Variants in NLRP7 observed in about 807,000 individuals in gnomAD.
NLRP7 encodes the protein NLR family pyrin domain containing 7.
NLRP7 carries 72 observed loss-of-function variants against 85.5 expected under a neutral mutation model. The observed-to-expected ratio is 0.84, with a 90% CI of 0.70 to 1.02. The LOEUF (loss-of-function observed/expected upper bound fraction) is 1.02, where lower values mean the gene tolerates loss of function less well. Among genes scored for constraint, NLRP7 ranks in the 50% least tolerant of loss-of-function variants. NLRP7 has a pLI of 0.00. For missense variants in NLRP7, 1,243 were observed against 1,219.5 expected, an observed-to-expected ratio of 1.02 and a Z score of -0.29; for synonymous variants, 550 against 505.2, an observed-to-expected ratio of 1.09 and a Z score of -1.19.
At chr19:54,923,671 G>T in exon 10 of NLRP7, 1 of 1,545,112 alleles carries the variant, frequency 6.5e-7, no homozygotes, top group South Asian at 1.1e-5. Context: ...CCTCTGACCT[G>T]CATTCATAAG....
At chr19:54,923,576 G>A (rs779903431) in exon 10 of NLRP7, 23 of 786,730 alleles carry the variant, frequency 2.9e-5, no homozygotes, top group Middle Eastern at 3.6e-4. Flanking sequence ...AAGGGGGTGC[G>A]TGACTCGTGC....
chr19:54,949,064 GGTCA>G (rs2069588073), upstream of NLRP7: 1 of 152,218 alleles, frequency 6.6e-6, no homozygotes. Context: ...GATCATCTGA[GGTCA>G]GCAGTTCGAG....
At chr19:54,925,384 C>T (rs935301824) in intron 9 of NLRP7, among the ~76,000 whole-genome samples, 14 of 152,104 alleles carry the variant, frequency 9.2e-5, no homozygotes, top group Admixed American at 2.0e-4. Flanking sequence ...GAACTGCAGA[C>T]GTGTGAAAAA....
chr19:54,960,046 G>A (rs1302687806), intron 1 of NLRP7, among the ~76,000 whole-genome samples: 1 of 151,986 alleles, frequency 6.6e-6, no homozygotes, highest in African/African-American at 2.4e-5. Context: ...TTCTAACCAC[G>A]TAGTTCCTCT....
chr19:54,929,475 T>C (rs540317512), intron 9 of NLRP7, among the ~76,000 whole-genome samples: 5 of 152,276 alleles, frequency 3.3e-5, no homozygotes, highest in African/African-American at 1.2e-4. Flanking sequence ...CAGATTCTAG[T>C]TGGAAAATAG....
Position 54,954,062 on chromosome 19 carries a change from A to C in NLRP7, c.-76-6557T>G, listed in dbSNP as rs116353939. 6.2e-3 allele frequency among the ~76,000 whole-genome samples: 890 copies of C among 142,778 alleles called. 48 individuals carry two copies. The highest frequency in any genetic ancestry group is 0.021 in the African/African-American group (825 of 39,024). 93.7% of individuals were successfully genotyped at this position (142,778 alleles called of 152,430 possible). On this transcript the variant is annotated intron_variant, in intron 1 of 2. Coordinates refer to the NLRP7 transcript ENST00000587103. ...AAGCATCCAGTCAAACTCCATCAAAACCAAGATAGTGACGAGAGTAACCTC... is the reference window on the plus strand; with the variant it reads ...AAGCATCCAGTCAAACTCCATCAAACCCAAGATAGTGACGAGAGTAACCTC...
chr19:54,959,135 C>CTTTTTTTTT (rs2069950224), intron 1 of NLRP7, among the ~76,000 whole-genome samples: 1 of 143,818 alleles, frequency 7.0e-6, no homozygotes, highest in Non-Finnish European at 1.5e-5. Flanking sequence ...TTGTTTTTTT[C>CTTTTTTTTT]TTTTTCTTTT....
chr19:54,940,915 G>C lies in NLRP7; in HGVS notation c.352+16C>G. ...TCAAACACCAAACTCATGACCATAG[G>C]ACCGTATTTACCCACCTGGCTTTGC... On this transcript the variant is annotated intron_variant, in intron 3 of 9. Coordinates refer to ENST00000340844, the Ensembl canonical transcript of NLRP7. 6.6e-7 allele frequency: 1 copy of C among 1,507,782 alleles called. No individual in the cohort carries two copies. Among genetic ancestry groups the C allele is most frequent in the Non-Finnish European group, 9.2e-7 (1 of 1,083,384 alleles). The allele number at this position is 1,507,782 out of a possible 1,614,324, so 93.4% of individuals were successfully genotyped here. A position where few individuals can be genotyped will look rare whatever the true frequency, so the allele number is the denominator to read the frequency against.
At chr19:54,951,435 T>C (rs1298250757), upstream of NLRP7, among the ~76,000 whole-genome samples, 2 of 151,786 alleles carry the variant, frequency 1.3e-5, no homozygotes, top group Admixed American at 6.6e-5. Context: ...TAATCCCAGC[T>C]ACTCGAGAGG....
chr19:54,960,237 C>T (rs1296040467), intron 1 of NLRP7, among the ~76,000 whole-genome samples: 3 of 151,062 alleles, frequency 2.0e-5, no homozygotes, highest in Admixed American at 6.6e-5. Context: ...CTCACTGCAA[C>T]CTCTGCTTCC....
upstream of NLRP7, chr19:54,947,560 G>A (rs1272276272): frequency 7.8e-7 from 1 of 1,289,470 alleles, no homozygotes; most frequent in Non-Finnish European, 1.0e-6. Flanking sequence ...ACGCTAGGTG[G>A]AGAGACAGCT....
chr19:54,925,714 T>G (rs1004489620), intron 9 of NLRP7, among the ~76,000 whole-genome samples: 4 of 151,856 alleles, frequency 2.6e-5, no homozygotes, highest in Admixed American at 1.3e-4. Context: ...AATAAGTCAC[T>G]GAGGCCGGGC....
rs555521892 is a variant in NLRP7 at position 54,943,584 on chromosome 19, G to C, written c.-39-1834C>G. ...CCACCGCACTCCAGCCTGGGCGACA[G>C]AGCGAGACTCCGTCTGGGTTGGGGG... On this transcript the variant is annotated intron_variant, in intron 1 of 9. Coordinates refer to ENST00000340844, the Ensembl canonical transcript of NLRP7. 1.9e-4 allele frequency among the ~76,000 whole-genome samples: 28 copies of C among 147,054 alleles called. No homozygotes were observed. In the South Asian group the frequency reaches 5.6e-3, roughly 29 times the overall value.
intron 8 of NLRP7, 138 bp downstream of exon 8, chr19:54,933,431 C>T (rs1021727111): frequency 1.8e-6 from 2 of 1,089,060 alleles, no homozygotes; most frequent in South Asian, 1.3e-5. Context: ...AGGCATGAGC[C>T]ACCACGCCTG....
chr19:54,934,765 A>G lies in NLRP7; in HGVS notation c.2301-106T>C. On this transcript the variant is annotated intron_variant, in intron 6 of 9. Transcript: ENST00000340844. This position sits in a 1 kb window ranked among gnomAD's most constrained non-coding sequence, Gnocchi z 6.7. ...CACTCTGTTGCCCAGTCTGGAATGC[A>G]AAGGCGTGATCTCACCTCACTGCAG... 1 of 933,770 alleles carries G rather than the reference A, an allele frequency of 1.1e-6. No individual in the cohort carries two copies. The highest frequency in any genetic ancestry group is 1.6e-6 in the Non-Finnish European group (1 of 627,586). The allele number at this position is 933,770 out of a possible 1,614,324, so 57.8% of individuals were successfully genotyped here. A position where few individuals can be genotyped will look rare whatever the true frequency, so the allele number is the denominator to read the frequency against.
chr19:54,964,531 T>A (rs1407144919), intron 1 of NLRP7, among the ~76,000 whole-genome samples: 1 of 151,266 alleles, frequency 6.6e-6, no homozygotes, highest in Non-Finnish European at 1.5e-5. Context: ...TTTACAAAAT[T>A]AATACTGCCA....
At chr19:54,962,845 C>T (rs71367128) in intron 1 of NLRP7, among the ~76,000 whole-genome samples, 26,983 of 150,568 alleles carry the variant, frequency 0.18, 2,473 homozygotes, top group East Asian at 0.37. Context: ...GTGATCCGCC[C>T]GCCTCGGCCT....
At chr19:54,943,906 C>T (rs1355372170) in intron 1 of NLRP7, among the ~76,000 whole-genome samples, 1 of 151,964 alleles carries the variant, frequency 6.6e-6, no homozygotes, top group Non-Finnish European at 1.5e-5. Context: ...CTGTGTCACA[C>T]GTGGGTTTAG....
intron 1 of NLRP7, among the ~76,000 whole-genome samples, chr19:54,964,353 A>G (rs2070218511): frequency 6.7e-6 from 1 of 148,230 alleles, no homozygotes; most frequent in Admixed American, 6.7e-5. Flanking sequence ...AGTAGCTGGG[A>G]CTACAGGTGC....
Sources: allele counts gnomAD v4.1 joint callset (sites outside exome capture counted in the v4.1 genomes callset), GRCh38; gene constraint gnomAD v4.1.1; non-coding constraint Gnocchi (gnomAD v3.1); transcripts MANE v1.5; gene names NCBI Gene and HGNC (gene_info 2026-07-23, HGNC 2026-07-21).